The following ELAVL2 variants were observed in gnomAD, a reference collection of about 807,000 sequenced individuals.
ELAVL2 encodes the protein ELAV like RNA binding protein 2.
In ELAVL2, 4 loss-of-function variants were observed where a neutral mutation model predicts 34.6. The observed-to-expected ratio is 0.12, with a 90% CI of 0.06 to 0.26. ELAVL2 has a LOEUF of 0.26. ELAVL2 is among the 10% of genes least tolerant of loss of function. The pLI is 1.00. For missense variants in ELAVL2, 432 were observed against 442.8 expected, an observed-to-expected ratio of 0.98 and a Z score of 0.22; for synonymous variants, 193 against 154.8, an observed-to-expected ratio of 1.25 and a Z score of -1.83.
chr9:23,777,320 A>G (rs1458524073), intron 1 of ELAVL2, among the ~76,000 whole-genome samples: 5 of 152,164 alleles, frequency 3.3e-5, no homozygotes, highest in African/African-American at 1.2e-4. Context: ...AAATTTTTCA[A>G]TTCTTCTGTG....
At chr9:23,813,627 G>C (rs1206778858) in intron 1 of ELAVL2, among the ~76,000 whole-genome samples, 1 of 151,994 alleles carries the variant, frequency 6.6e-6, no homozygotes, top group Admixed American at 6.6e-5. Context: ...CTCCCAATGG[G>C]GACAGTTCTA....
chr9:23,832,177 G>A, the ELAVL2 span: 1 of 152,168 alleles, frequency 6.6e-6, no homozygotes, highest in African/African-American at 2.4e-5. Flanking sequence ...TGGCCTTTTG[G>A]CTGAAGTGAT....
intron 5 of ELAVL2, among the ~76,000 whole-genome samples, chr9:23,697,136 G>A (rs540755928): frequency 6.6e-6 from 1 of 152,012 alleles, no homozygotes; most frequent in South Asian, 2.1e-4. Flanking sequence ...AGCAGATATG[G>A]AGGATTAGAC....
At chr9:23,751,286 T>C (rs1425899170) in intron 2 of ELAVL2, among the ~76,000 whole-genome samples, 1 of 152,118 alleles carries the variant, frequency 6.6e-6, no homozygotes, top group Non-Finnish European at 1.5e-5. Context: ...TAATTCACAA[T>C]ATGCATAAGG....
intron 2 of ELAVL2, among the ~76,000 whole-genome samples, chr9:23,758,743 A>G (rs2054175063): frequency 6.6e-6 from 1 of 152,098 alleles, no homozygotes; most frequent in Non-Finnish European, 1.5e-5. Context: ...ATGATCAAAT[A>G]AGGCCGGGGA....
chr9:23,804,132 T>C (rs1661784793), intron 1 of ELAVL2, among the ~76,000 whole-genome samples: 1 of 152,090 alleles, frequency 6.6e-6, no homozygotes, highest in South Asian at 2.1e-4. Flanking sequence ...TGCAAAAAGA[T>C]AACCACAGAA....
intron 3 of ELAVL2, among the ~76,000 whole-genome samples, chr9:23,721,059 A>C (rs1328433762): frequency 6.6e-6 from 1 of 152,158 alleles, no homozygotes; most frequent in African/African-American, 2.4e-5. Context: ...GCTCATAACA[A>C]CCACGGATGC....
At chr9:23,815,817 C>G (rs544541215) in intron 1 of ELAVL2, among the ~76,000 whole-genome samples, 46 of 152,108 alleles carry the variant, frequency 3.0e-4, no homozygotes, top group Admixed American at 1.7e-3. Flanking sequence ...ATTGGCCGCA[C>G]GGGCACGGTG....
chr9:23,750,129 T>C (rs2051548088), intron 2 of ELAVL2, among the ~76,000 whole-genome samples: 1 of 151,622 alleles, frequency 6.6e-6, no homozygotes. Context: ...TATATCCAAA[T>C]ATATTGTTTT....
Position 23,690,226 on chromosome 9 carries a change from G to A in ELAVL2, c.*2331C>T, listed in dbSNP as rs1035997533. The A allele has an allele frequency of 3.3e-5, 5 of 152,538 alleles. No individual in the cohort carries two copies. The highest frequency in any genetic ancestry group is 7.4e-5 in the Non-Finnish European group (5 of 68,004). The allele number at this position is 152,538 out of a possible 1,614,324, so 9.4% of individuals were successfully genotyped here. A position where few individuals can be genotyped will look rare whatever the true frequency, so the allele number is the denominator to read the frequency against. On this transcript the variant is annotated 3_prime_UTR_variant, in exon 7 of 7. Transcript: ENST00000397312. ...GAATATATTTTCTATTCCAACAGAT[G>A]TGAATTAAGTCATACTGTACAACTT...
chr9:23,726,730 T>TAA (rs2045283008), intron 3 of ELAVL2, among the ~76,000 whole-genome samples: 1 of 152,142 alleles, frequency 6.6e-6, no homozygotes, highest in Non-Finnish European at 1.5e-5. Flanking sequence ...TTTAGTTTGC[T>TAA]AATCATGAAT....
intron 1 of ELAVL2, chr9:23,821,984 G>C (rs898187626): frequency 1.3e-5 from 2 of 151,598 alleles, no homozygotes; most frequent in Admixed American, 6.6e-5. Context: ...GGGAGATGCC[G>C]GGCTTCAGCA....
intron 1 of ELAVL2, among the ~76,000 whole-genome samples, chr9:23,791,678 T>G (rs1430910664): frequency 6.6e-6 from 1 of 152,178 alleles, no homozygotes; most frequent in African/African-American, 2.4e-5. Context: ...CACCAATGAT[T>G]TCTCCTTCTT....
At chr9:23,704,687 C>T (rs541451663) in intron 4 of ELAVL2, among the ~76,000 whole-genome samples, 8 of 152,278 alleles carry the variant, frequency 5.3e-5, no homozygotes, top group Non-Finnish European at 1.0e-4. Flanking sequence ...ATGAAACAGG[C>T]TTCAATCCTG....
chr9:23,744,312 A>C (rs1413640203), intron 2 of ELAVL2, among the ~76,000 whole-genome samples: 1 of 152,220 alleles, frequency 6.6e-6, no homozygotes, highest in African/African-American at 2.4e-5. Flanking sequence ...ATTCAATTAC[A>C]AGTACACCAC....
intron 5 of ELAVL2, among the ~76,000 whole-genome samples, chr9:23,694,426 C>A (rs1380480001): frequency 6.6e-6 from 1 of 152,170 alleles, no homozygotes; most frequent in African/African-American, 2.4e-5. Context: ...ACAGTGCTTA[C>A]CAACTAATTA....
intron 1 of ELAVL2, among the ~76,000 whole-genome samples, chr9:23,804,460 A>T (rs1419702974): frequency 6.6e-6 from 1 of 152,204 alleles, no homozygotes; most frequent in Non-Finnish European, 1.5e-5. Context: ...TTTCAAGATC[A>T]GCACATACTC....
chr9:23,696,577 T>C (rs2035310346), intron 5 of ELAVL2, among the ~76,000 whole-genome samples: 1 of 152,222 alleles, frequency 6.6e-6, no homozygotes, highest in African/African-American at 2.4e-5. Context: ...CACACCATTC[T>C]CTGGCCCCAG....
At chr9:23,722,324 G>T (rs984334395) in intron 3 of ELAVL2, among the ~76,000 whole-genome samples, 1 of 152,180 alleles carries the variant, frequency 6.6e-6, no homozygotes, top group African/African-American at 2.4e-5. Context: ...AATAATTTCA[G>T]GAAGTTACTA....
Sources: gnomAD v4.1 joint callset for allele counts (sites outside exome capture counted in the v4.1 genomes callset) on GRCh38, gnomAD v4.1.1 for gene constraint, MANE v1.5 for transcripts, NCBI Gene and HGNC (gene_info 2026-07-23, HGNC 2026-07-21) for gene names.